Variants in ZCCHC14 observed in about 807,000 individuals in gnomAD.
ZCCHC14 encodes the protein zinc finger CCHC domain-containing protein 14.
Under a neutral mutation model 85.0 loss-of-function variants are expected in ZCCHC14, and 16 were observed. That is an observed-to-expected ratio of 0.19 (90% confidence interval 0.13 to 0.29). The LOEUF (loss-of-function observed/expected upper bound fraction) is 0.29, where lower values mean the gene tolerates loss of function less well. ZCCHC14 is among the 10% of genes least tolerant of loss of function. The probability of loss-of-function intolerance (pLI) is 1.00; values close to 1 mark genes in which losing one functional copy is unlikely to be tolerated. For synonymous variants in ZCCHC14, 775 were observed against 630.7 expected (o/e 1.23, Z -3.43); for missense variants, 1,303 against 1,443.5 (o/e 0.90, Z 1.58).
intron 1 of ZCCHC14, chr16:87,473,182 G>A (rs1418629215): frequency 6.6e-6 from 1 of 151,962 alleles, no homozygotes; most frequent in Non-Finnish European, 1.5e-5. Flanking sequence ...GACATTCCCT[G>A]AGGTTATCTT....
chr16:87,480,582 A>T (rs1433278665), intron 1 of ZCCHC14, among the ~76,000 whole-genome samples: 1 of 152,170 alleles, frequency 6.6e-6, no homozygotes, highest in Non-Finnish European at 1.5e-5. Flanking sequence ...ACTGAAAAGA[A>T]AAAGCCAAAG....
At chr16:87,436,021 A>C (rs1909903720) in intron 2 of ZCCHC14, among the ~76,000 whole-genome samples, 1 of 152,230 alleles carries the variant, frequency 6.6e-6, no homozygotes, top group Non-Finnish European at 1.5e-5. Flanking sequence ...TTTTTAAACA[A>C]CATATAGTGT....
chr16:87,464,883 C>T (rs775885279), intron 1 of ZCCHC14, among the ~76,000 whole-genome samples: 2 of 152,188 alleles, frequency 1.3e-5, no homozygotes, highest in African/African-American at 2.4e-5. Context: ...CCGCAGGACT[C>T]GTCATCTGGC....
chr16:87,418,075 C>G (rs559551568), intron 7 of ZCCHC14: 1 of 332,420 alleles, frequency 3.0e-6, no homozygotes, highest in Admixed American at 4.4e-5. Context: ...ACGTCTCTGT[C>G]CCCACCAGAC....
intron 1 of ZCCHC14, among the ~76,000 whole-genome samples, chr16:87,481,526 CGGGGGGGGGGGGGGGT>C (rs1184208945): frequency 0.067 from 164 of 2,432 alleles, 23 homozygotes; most frequent in African/African-American, 0.19. Flanking sequence ...GGGAGAGAAA[CGGGGGGGGGGGGGGGT>C]GGGGGGGGGG....
At chr16:87,479,098 CAT>C (rs1286993632) in intron 1 of ZCCHC14, among the ~76,000 whole-genome samples, 2 of 152,024 alleles carry the variant, frequency 1.3e-5, no homozygotes, top group African/African-American at 4.8e-5. Flanking sequence ...CCTATATATA[CAT>C]GTTTTAATTA....
chr16:87,412,695 T>C lies in ZCCHC14; in HGVS notation c.2026A>G (p.Arg676Gly). 1 of 1,614,240 alleles carries C rather than the reference T, an allele frequency of 6.2e-7. No individual in the cohort carries two copies. The highest frequency in any genetic ancestry group is 8.5e-7 in the Non-Finnish European group (1 of 1,180,044). The change falls in exon 12 of 13, where the codon AGG (arginine) becomes GGG (glycine). Residue 676 changes from arginine (R) to glycine (G), a missense_variant. Physicochemically the swap from Arg to Gly is moderately radical, Grantham distance 125. Coordinates refer to ENST00000671377, the MANE Select transcript of ZCCHC14 (RefSeq NM_015144.3). ...SVHSLLSLEERNKGSGPRSSM... is the reference protein window; with the variant it reads ...SVHSLLSLEEGNKGSGPRSSM... ...CTTCTTGGTCCAGATCCTTTATTCC[T>C]TTCTTCTAGAGACAAAAGTGAGTGC...
chr16:87,447,877 C>T (rs1177764802), intron 2 of ZCCHC14, among the ~76,000 whole-genome samples: 1 of 152,208 alleles, frequency 6.6e-6, no homozygotes, highest in Non-Finnish European at 1.5e-5. Context: ...GTCCTTCTGA[C>T]TTCCATTACC....
chr16:87,411,209 A>G (rs983314281), intron 12 of ZCCHC14, among the ~76,000 whole-genome samples: 1 of 152,196 alleles, frequency 6.6e-6, no homozygotes, highest in Non-Finnish European at 1.5e-5. Context: ...AGGGGGCAGC[A>G]CTGAATCCCT....
At chr16:87,434,722 T>G (rs1019872753) in intron 2 of ZCCHC14, among the ~76,000 whole-genome samples, 2 of 152,166 alleles carry the variant, frequency 1.3e-5, no homozygotes, top group African/African-American at 4.8e-5. Context: ...TTGGGAGCAG[T>G]GGCTCACGCC....
chr16:87,474,462 T>C (rs1911913912), intron 1 of ZCCHC14: 1 of 152,186 alleles, frequency 6.6e-6, no homozygotes, highest in African/African-American at 2.4e-5. Context: ...CCCTGGAGTA[T>C]ATAAAACAGG....
At position 87,431,544 on chromosome 16, in the gene ZCCHC14, G is replaced by A. The variant is rs138601717; in HGVS notation, c.768+1584C>T. Among the ~76,000 whole-genome samples, 14 of 151,650 alleles carry A rather than the reference G, an allele frequency of 9.2e-5. No individual in the cohort carries two copies. In the East Asian group the frequency reaches 2.7e-3, roughly 29 times the overall value. On this transcript the variant is annotated intron_variant, in intron 3 of 12. Coordinates refer to ENST00000671377, the MANE Select transcript of ZCCHC14 (RefSeq NM_015144.3). Reference sequence around the variant, plus strand: ...GCTATGGCCGGTCAGGTTGTATGAAGTTCTCACACCTTACACTGTGTGGAC... The same window carrying A: ...GCTATGGCCGGTCAGGTTGTATGAAATTCTCACACCTTACACTGTGTGGAC...
In ZCCHC14 at chr16:87,415,283, G is replaced by C. The variant is rs1908725558; in HGVS notation, c.1468C>G (p.Leu490Val). ...AKKKLKTQLELEKEKSERRCL... is the reference protein window; with the variant it reads ...AKKKLKTQLEVEKEKSERRCL... ...AACCCACTTCACACTCACTTTTCCA[G>C]CTCCAGCTGGGTCTTGAGCTTCTTC... The change falls in exon 9 of 13, where the codon CTG (leucine) becomes GTG (valine). Residue 490 changes from leucine (L) to valine (V), a missense_variant. Transcript: ENST00000671377. 6.2e-7 allele frequency: 1 copy of C among 1,613,870 alleles called. No homozygotes were observed. The highest frequency in any genetic ancestry group is 8.5e-7 in the Non-Finnish European group (1 of 1,179,942).
At chr16:87,487,206 G>C (rs1288427310) in intron 1 of ZCCHC14, among the ~76,000 whole-genome samples, 3 of 152,182 alleles carry the variant, frequency 2.0e-5, no homozygotes, top group East Asian at 3.8e-4. Flanking sequence ...GCCACAGAGA[G>C]TTCCAGAACT....
intron 2 of ZCCHC14, among the ~76,000 whole-genome samples, chr16:87,449,955 G>A (rs1910616103): frequency 1.3e-5 from 2 of 152,212 alleles, no homozygotes; most frequent in African/African-American, 4.8e-5. Context: ...TGAGGCAGGA[G>A]GATTGCTTAA....
intron 1 of ZCCHC14, among the ~76,000 whole-genome samples, chr16:87,474,786 C>A (rs993679886): frequency 6.6e-6 from 1 of 152,182 alleles, no homozygotes; most frequent in African/African-American, 2.4e-5. Flanking sequence ...GGAGAGCACC[C>A]TGGGAGGGGA....
chr16:87,475,241 G>C (rs1181325079), intron 1 of ZCCHC14, among the ~76,000 whole-genome samples: 2 of 152,096 alleles, frequency 1.3e-5, no homozygotes, highest in African/African-American at 4.8e-5. Flanking sequence ...GAGAGAAAGA[G>C]AACATTTCTT....
In ZCCHC14 at chr16:87,414,689, TC is replaced by T. The variant is rs1177070278; in HGVS notation, c.1476-149del. 6.9e-6 allele frequency: 8 copies of T among 1,163,262 alleles called. No individual in the cohort carries two copies. In the East Asian group the frequency reaches 1.0e-4, roughly 15 times the overall value. 72.1% of individuals were successfully genotyped at this position (1,163,262 alleles called of 1,614,324 possible). ...GGTCTACTCCACACCACAGGGAAAT[TC>T]CCCCCAGAGCATTAAGGCAAGGAAC... On this transcript the variant is annotated intron_variant, in intron 9 of 12. Transcript: ENST00000671377.
chr16:87,488,796 T>C (rs569093125), intron 1 of ZCCHC14, among the ~76,000 whole-genome samples: 34 of 152,286 alleles, frequency 2.2e-4, no homozygotes, highest in African/African-American at 8.2e-4. Flanking sequence ...CAGGCTGGTG[T>C]TGAACTCCTG....
Sources: allele counts gnomAD v4.1 joint callset (sites outside exome capture counted in the v4.1 genomes callset), GRCh38; gene constraint gnomAD v4.1.1; transcripts MANE v1.5; gene names NCBI Gene and HGNC (gene_info 2026-07-23, HGNC 2026-07-21).